NCOR2: variants seen among roughly 807,000 people sequenced by gnomAD.
The protein encoded by NCOR2 is CTG repeat protein 26.
In NCOR2, 81 loss-of-function variants were observed where a neutral mutation model predicts 262.9. The observed-to-expected ratio is 0.31, with a 90% CI of 0.26 to 0.37. The LOEUF (loss-of-function observed/expected upper bound fraction) is 0.37, where lower values mean the gene tolerates loss of function less well. NCOR2 is among the 10% of genes least tolerant of loss of function. The probability of loss-of-function intolerance (pLI) is 1.00; values close to 1 mark genes in which losing one functional copy is unlikely to be tolerated. For synonymous variants in NCOR2, 1,659 were observed against 1,559.3 expected, an observed-to-expected ratio of 1.06 and a Z score of -1.51; for missense variants, 3,385 against 3,621.4, an observed-to-expected ratio of 0.93 and a Z score of 1.68.
At chr12:124,494,584 C>T (rs2048278211) in intron 1 of NCOR2, among the ~76,000 whole-genome samples, 1 of 152,120 alleles carries the variant, frequency 6.6e-6, no homozygotes, top group South Asian at 2.1e-4. Context: ...AAGCCATCTG[C>T]CCTGGCCACA....
exon 38 of NCOR2, chr12:124,337,016 T>C: frequency 1.3e-6 from 2 of 1,506,758 alleles, no homozygotes; most frequent in Non-Finnish European, 1.8e-6. Flanking sequence ...ATGGCCGGTG[T>C]CTGCTCGGGG....
In NCOR2 at chr12:124,328,376, T is replaced by C. The variant is rs116473756; in HGVS notation, c.6959-743A>G. On this transcript the variant is annotated intron_variant, in intron 44 of 46. Coordinates refer to ENST00000405201, the Ensembl canonical transcript of NCOR2. ...GGGGACAGGGCAGAAGTAGACACAA[T>C]CACGGGACCAGCCCTGGTCCGGCCC... 9.5e-3 allele frequency among the ~76,000 whole-genome samples: 1,451 copies of C among 152,180 alleles called. 16 individuals carry two copies. The highest frequency in any genetic ancestry group is 0.032 in the African/African-American group (1,347 of 41,500).
At chr12:124,553,245 C>G (rs837488) in intron 1 of NCOR2, among the ~76,000 whole-genome samples, 135,856 of 152,190 alleles carry the variant, frequency 0.89, 60,956 homozygotes, top group East Asian at 1. Context: ...TGATTACCTC[C>G]AGCCCGGGCA....
intron 1 of NCOR2, among the ~76,000 whole-genome samples, chr12:124,515,610 TGTGA>T (rs1432779924): frequency 2.6e-5 from 4 of 151,710 alleles, no homozygotes; most frequent in Admixed American, 1.3e-4. Flanking sequence ...GGTGTCTGCA[TGTGA>T]GTATGGGTGT....
At chr12:124,326,062 G>T in intron 46 of NCOR2, 129 bp downstream of exon 48, 2 of 1,067,144 alleles carry the variant, frequency 1.9e-6, no homozygotes, top group South Asian at 2.1e-5. Flanking sequence ...CCTGGACAGC[G>T]TTTCCACAGA....
At chr12:124,511,443 G>A (rs983076459) in intron 1 of NCOR2, among the ~76,000 whole-genome samples, 9 of 152,226 alleles carry the variant, frequency 5.9e-5, no homozygotes, top group African/African-American at 2.2e-4. Context: ...AAGGGCACCC[G>A]GCAAACCTGG....
chr12:124,326,081 G>A (rs544596776), intron 46 of NCOR2, 110 bp downstream of exon 48: 27 of 1,230,726 alleles, frequency 2.2e-5, no homozygotes, highest in South Asian at 7.0e-5. Flanking sequence ...GAACAGGCCC[G>A]AGTCTGAGCT....
chr12:124,383,533 C>CA (rs72488781), intron 17 of NCOR2: 26,243 of 456,650 alleles, frequency 0.057, 1 homozygote, highest in Middle Eastern at 0.073. Context: ...CCTTCCAACT[C>CA]AAAAAAAAAA....
Position 124,346,752 on chromosome 12 carries a change from G to A in NCOR2, c.4171C>T (p.Arg1391Trp), listed in dbSNP as rs759677157. 54 of 1,558,426 alleles carry A rather than the reference G, an allele frequency of 3.5e-5. No individual in the cohort carries two copies. Among genetic ancestry groups the A allele is most frequent in the Non-Finnish European group, 4.4e-5 (51 of 1,151,814 alleles). The change falls in exon 31 of 47, where the codon CGG (arginine) becomes TGG (tryptophan). Residue 1391 changes from arginine (R) to tryptophan (W), a missense_variant. Arg to Trp is a moderately radical substitution (Grantham distance 101). Around this residue, in one of 5 missense-constraint regions of NCOR2, gnomAD observed 1,615 missense variants for 1,626.9 expected, o/e 0.99. Coordinates refer to ENST00000405201, the Ensembl canonical transcript of NCOR2. ...GTCTTGTAGGCCTCGGTCAGGTCCC[G>A]TGAGGGCGGTGGGGGCGGAGGCGTG...
chr12:124,329,059 T>C (rs1199572102), intron 44 of NCOR2: 1 of 467,458 alleles, frequency 2.1e-6, no homozygotes, highest in Non-Finnish European at 4.4e-6. Context: ...CTGATGGAGC[T>C]GGCTCCAGGC....
intron 13 of NCOR2, among the ~76,000 whole-genome samples, chr12:124,409,368 G>A (rs913528663): frequency 2.6e-5 from 4 of 152,152 alleles, no homozygotes; most frequent in Non-Finnish European, 5.9e-5. Context: ...CTGTGCCCAC[G>A]GCCTGGGGTG....
At chr12:124,350,781 G>A (rs1391469203) in intron 27 of NCOR2, 44 bp from the exon 30 acceptor site, 2 of 1,576,308 alleles carry the variant, frequency 1.3e-6, no homozygotes, top group South Asian at 2.3e-5. Flanking sequence ...TGCAGCCCAG[G>A]ACCCCTCTCA....
chr12:124,355,450 T>C, exon 24 of NCOR2: 1 of 1,613,374 alleles, frequency 6.2e-7, no homozygotes, highest in Admixed American at 1.7e-5. Context: ...TGGCACCTAT[T>C]TGCCTCTCGA....
In NCOR2 at chr12:124,378,444, C is replaced by T. The variant is rs2040180147; in HGVS notation, c.2020-60G>A. The T allele has an allele frequency of 4.6e-6, 7 of 1,520,076 alleles. No homozygotes were observed. Among genetic ancestry groups the T allele is most frequent in the Non-Finnish European group, 6.2e-6 (7 of 1,132,238 alleles). The allele number at this position is 1,520,076 out of a possible 1,614,324, so 94.2% of individuals were successfully genotyped here. A position where few individuals can be genotyped will look rare whatever the true frequency, so the allele number is the denominator to read the frequency against. On this transcript the variant is annotated intron_variant, in intron 17 of 46. Coordinates refer to ENST00000405201, the Ensembl canonical transcript of NCOR2. The surrounding 1 kb of genome is among the most constrained non-coding windows in gnomAD (Gnocchi z 4.2). ...GCCTGGGCTGTCAGCTCGGGGACTC[C>T]CCATGCCTGGGGCCTCGCCGCAGGT...
At chr12:124,476,770 G>A (rs1392653501) in intron 3 of NCOR2, among the ~76,000 whole-genome samples, 1 of 152,100 alleles carries the variant, frequency 6.6e-6, no homozygotes, top group Non-Finnish European at 1.5e-5. Context: ...ATCACCTGAT[G>A]AACAGATAAA....
At chr12:124,462,035 G>A (rs1051630254) in intron 5 of NCOR2, among the ~76,000 whole-genome samples, 1 of 152,106 alleles carries the variant, frequency 6.6e-6, no homozygotes, top group African/African-American at 2.4e-5. Context: ...ATCAATGCAC[G>A]AATCACCACA....
At position 124,355,550 on chromosome 12, in the gene NCOR2, A is replaced by T. The variant is rs775897175; in HGVS notation, c.3263T>A (p.Leu1088His). Residue 1088 changes from leucine (L) to histidine (H), a missense_variant, in exon 24 of 47, where the codon CTC becomes CAC. By Grantham distance (99) the Leu-to-His change is moderately conservative. This residue lies in a region of NCOR2 where 1,615 missense variants were observed against 1,626.9 expected (regional missense o/e 0.99). Transcript: ENST00000405201. ...CAGGACGGGCCGGGCAGTGTCATGG[A>T]GGCCCAGGGGCAGTGGGTGACCTGT... 3.2e-6 allele frequency: 5 copies of T among 1,584,322 alleles called. No individual in the cohort carries two copies. The African/African-American group carries it at 6.7e-5, about 21-fold the overall frequency.
intron 13 of NCOR2, among the ~76,000 whole-genome samples, chr12:124,411,667 G>A (rs769216940): frequency 6.6e-6 from 1 of 152,232 alleles, no homozygotes; most frequent in African/African-American, 2.4e-5. Context: ...CTAGGATAAC[G>A]CGGCCCTTCC....
Position 124,362,275 on chromosome 12 carries a change from G to T in NCOR2, c.2951C>A (p.Pro984His), listed in dbSNP as rs764926503. 15 of 1,313,920 alleles carry T rather than the reference G, an allele frequency of 1.1e-5. No individual in the cohort carries two copies. In the East Asian group the frequency reaches 2.5e-4, roughly 22 times the overall value. 81.4% of individuals were successfully genotyped at this position (1,313,920 alleles called of 1,614,324 possible). Reference sequence around the variant, plus strand: ...GGTGGGAGCTGCGTCCTCCCGGGGGGGCTCATGGACTTTGGTGACCTGCTG... The same window carrying T: ...GGTGGGAGCTGCGTCCTCCCGGGGGTGCTCATGGACTTTGGTGACCTGCTG... Residue 984 changes from proline to histidine, a missense_variant, in exon 22 of 47, where the codon CCC becomes CAC. By Grantham distance (77) the Pro-to-His change is moderately conservative. This residue lies in a region of NCOR2 where 1,615 missense variants were observed against 1,626.9 expected (regional missense o/e 0.99). Coordinates refer to ENST00000405201, the Ensembl canonical transcript of NCOR2.
Sources: allele counts gnomAD v4.1 joint callset (sites outside exome capture counted in the v4.1 genomes callset), GRCh38; gene constraint gnomAD v4.1.1; regional missense constraint gnomAD v4.1.1; non-coding constraint Gnocchi (gnomAD v3.1); transcripts MANE v1.5; gene names NCBI Gene and HGNC (gene_info 2026-07-23, HGNC 2026-07-21).